Variants in NAV3 observed in about 807,000 individuals in gnomAD.
The protein encoded by NAV3 is pore membrane and/or filament interacting like protein 1.
In NAV3, 87 loss-of-function variants were observed where a neutral mutation model predicts 244.7. That is an observed-to-expected ratio of 0.36 (90% CI 0.30 to 0.42). The LOEUF (loss-of-function observed/expected upper bound fraction) is 0.42. Among genes scored for constraint, NAV3 ranks in the 20% least tolerant of loss-of-function variants. The pLI is 1.00. For synonymous variants in NAV3, 1,126 were observed against 1,042.2 expected, an observed-to-expected ratio of 1.08 and a Z score of -1.55; for missense variants, 2,663 against 2,893.3, an observed-to-expected ratio of 0.92 and a Z score of 1.83.
intron 34 of NAV3, among the ~76,000 whole-genome samples, chr12:78,190,594 A>C (rs896639152): frequency 3.3e-5 from 5 of 152,084 alleles, no homozygotes; most frequent in Admixed American, 2.6e-4. Flanking sequence ...AAGGGGTAAT[A>C]GTTTGTTGGA....
chr12:77,852,582 TATACTTATGAAGAATA>T (rs1173102481), intron 1 of NAV3, among the ~76,000 whole-genome samples: 7 of 151,422 alleles, frequency 4.6e-5, no homozygotes, highest in African/African-American at 1.7e-4. Flanking sequence ...TAAATAATGT[TATACTTATGAAGAATA>T]ACAAAACATA....
intron 2 of NAV3, among the ~76,000 whole-genome samples, chr12:77,792,211 C>T (rs545802095): frequency 3.4e-4 from 52 of 152,238 alleles, no homozygotes; most frequent in African/African-American, 1.2e-3. Context: ...AATGCTGTAT[C>T]CTCCTACATG....
At chr12:77,918,899 G>A (rs1187785302) in intron 1 of NAV3, among the ~76,000 whole-genome samples, 2 of 151,982 alleles carry the variant, frequency 1.3e-5, no homozygotes, top group Non-Finnish European at 2.9e-5. Context: ...CAAGATTGGA[G>A]AAATAGACTC....
At chr12:77,873,506 A>G (rs1007492926) in intron 1 of NAV3, among the ~76,000 whole-genome samples, 2 of 151,472 alleles carry the variant, frequency 1.3e-5, no homozygotes, top group African/African-American at 4.8e-5. Context: ...TAATTTGACT[A>G]TTTTAATACA....
At chr12:77,762,562 C>T (rs1869527004) in intron 2 of NAV3, among the ~76,000 whole-genome samples, 1 of 151,692 alleles carries the variant, frequency 6.6e-6, no homozygotes. Context: ...GAGATTGTGC[C>T]ATTGCACTCC....
At chr12:77,948,682 C>A (rs1011727358) in intron 3 of NAV3, among the ~76,000 whole-genome samples, 1 of 126,210 alleles carries the variant, frequency 7.9e-6, no homozygotes, top group Non-Finnish European at 1.7e-5. Flanking sequence ...TTTCAATTGC[C>A]CCCCCACCAC....
chr12:78,049,911 G>A (rs1020964446), intron 9 of NAV3, 82 bp from the exon 10 acceptor site: 10 of 808,390 alleles, frequency 1.2e-5, no homozygotes, highest in East Asian at 1.1e-4. Flanking sequence ...TTTAAGAAGA[G>A]GTGACTTAAT....
intron 2 of NAV3, among the ~76,000 whole-genome samples, chr12:77,709,011 G>A (rs1344327056): frequency 6.6e-6 from 1 of 152,176 alleles, no homozygotes; most frequent in Non-Finnish European, 1.5e-5. Flanking sequence ...TGCAAACAGG[G>A]ACAATTTGAC....
intron 5 of NAV3, among the ~76,000 whole-genome samples, chr12:77,982,523 G>A (rs1257143948): frequency 3.3e-5 from 5 of 152,160 alleles, no homozygotes; most frequent in East Asian, 1.9e-4. Flanking sequence ...AGGGACTGAC[G>A]AAGGAAATGC....
intron 2 of NAV3, among the ~76,000 whole-genome samples, chr12:77,697,570 T>C (rs1214991696): frequency 6.6e-6 from 1 of 152,186 alleles, no homozygotes; most frequent in Non-Finnish European, 1.5e-5. Flanking sequence ...TAATTTTACA[T>C]TTTCATCATT....
intron 12 of NAV3, among the ~76,000 whole-genome samples, chr12:78,062,603 T>C (rs973852804): frequency 2.6e-5 from 4 of 152,080 alleles, no homozygotes; most frequent in East Asian, 1.9e-4. Flanking sequence ...TTTTCTCTTA[T>C]GATAATAATT....
chr12:77,812,994 T>C (rs1872366582), intron 2 of NAV3, among the ~76,000 whole-genome samples: 1 of 152,058 alleles, frequency 6.6e-6, no homozygotes, highest in Non-Finnish European at 1.5e-5. Context: ...GCCTAGCTTT[T>C]ATGTTTTTAG....
At chr12:78,069,658 A>G (rs1285592153) in intron 12 of NAV3, among the ~76,000 whole-genome samples, 1 of 152,082 alleles carries the variant, frequency 6.6e-6, no homozygotes, top group South Asian at 2.1e-4. Context: ...TAAGGTATTC[A>G]TCACATTTCT....
At chr12:78,137,429 T>C in intron 19 of NAV3, 64 bp downstream of exon 19, 2 of 1,430,258 alleles carry the variant, frequency 1.4e-6, no homozygotes, top group African/African-American at 1.4e-5. Flanking sequence ...GAAACCATTG[T>C]GTCACTCACA....
chr12:78,047,503 A>G (rs1882023704), intron 9 of NAV3, among the ~76,000 whole-genome samples: 1 of 152,006 alleles, frequency 6.6e-6, no homozygotes, highest in Non-Finnish European at 1.5e-5. Context: ...AACAAAACAA[A>G]ACAAAACAAA....
Position 78,176,452 on chromosome 12 carries a change from G to A in NAV3, c.5117G>A (p.Gly1706Glu), listed in dbSNP as rs112403006. 4 of 1,612,562 alleles carry A rather than the reference G, an allele frequency of 2.5e-6. No individual in the cohort carries two copies. The highest frequency in any genetic ancestry group is 3.4e-6 in the Non-Finnish European group (4 of 1,179,210). ...KKKKNWVNSR[G>E]SELRSSFKQA... ...TGTTTCTGCAAGGTGAACTCTAGAG[G>A]AAGTGAGGTGAATATAAACCGTGGA... Residue 1706 changes from glycine (G) to glutamate (E), a missense_variant, in exon 26 of 40, where the codon GGA becomes GAA. Gly to Glu is a moderately conservative substitution (Grantham distance 98, BLOSUM62 -2). Coordinates refer to ENST00000397909, the MANE Select transcript of NAV3 (RefSeq NM_001024383.2).
intron 2 of NAV3, among the ~76,000 whole-genome samples, chr12:77,669,978 CA>C (rs955372620): frequency 2.7e-5 from 4 of 150,920 alleles, no homozygotes; most frequent in Admixed American, 6.6e-5. Flanking sequence ...TTGAAACAAA[CA>C]AAAAAAATAC....
At chr12:78,008,851 T>C (rs1361499605) in intron 8 of NAV3, among the ~76,000 whole-genome samples, 1 of 152,164 alleles carries the variant, frequency 6.6e-6, no homozygotes, top group African/African-American at 2.4e-5. Context: ...TCCTTCTGAC[T>C]CCAGGGTCCC....
At chr12:77,988,240 C>T (rs1870869252) in intron 5 of NAV3, among the ~76,000 whole-genome samples, 1 of 152,128 alleles carries the variant, frequency 6.6e-6, no homozygotes, top group Non-Finnish European at 1.5e-5. Context: ...TAACAAGCCC[C>T]AGGTGATGTC....
Sources: allele counts gnomAD v4.1 joint callset (sites outside exome capture counted in the v4.1 genomes callset), GRCh38; gene constraint gnomAD v4.1.1; transcripts MANE v1.5; gene names NCBI Gene and HGNC (gene_info 2026-07-23, HGNC 2026-07-21).